NPHS1: variants seen among roughly 807,000 people sequenced by gnomAD.
The protein encoded by NPHS1 is NPHS1 adhesion molecule, nephrin, also known as nephrin.
A neutral mutation model predicts 139.7 loss-of-function variants in NPHS1; 107 were observed. The observed-to-expected ratio is 0.77, with a 90% CI of 0.66 to 0.90. NPHS1 has a LOEUF of 0.90. Ranked by LOEUF, NPHS1 falls within the 40% of genes least tolerant of loss-of-function variation. The pLI, the probability that NPHS1 is intolerant of heterozygous loss-of-function variation, is 0.00. For synonymous variants in NPHS1, 707 were observed against 706.6 expected (o/e 1.00, Z -0.01); for missense variants, 1,580 against 1,654.2 (o/e 0.96, Z 0.78).
At chr19:35,843,867 G>T in intron 16 of NPHS1, 2 of 665,996 alleles carry the variant, frequency 3.0e-6, no homozygotes, top group Non-Finnish European at 2.5e-6. Flanking sequence ...CATTCCTGAC[G>T]GGAGCAGCTT....
chr19:35,828,627 A>G (rs1972832008), intron 28 of NPHS1, among the ~76,000 whole-genome samples: 1 of 152,230 alleles, frequency 6.6e-6, no homozygotes, highest in Non-Finnish European at 1.5e-5. Context: ...ACATAGAAAA[A>G]TTACATGAAG....
chr19:35,841,580 G>T, intron 20 of NPHS1, 135 bp downstream of exon 20: 1 of 966,398 alleles, frequency 1.0e-6, no homozygotes, highest in Non-Finnish European at 1.6e-6. Context: ...GATTTTCAGG[G>T]CAGGCAAAAA....
At position 35,852,027 on chromosome 19, in the gene NPHS1, C is replaced by T. The variant is rs1973279916; in HGVS notation, c.-190G>A. ...TGAGTATCTCTCTCTGTCTTGCTCT[C>T]AGTCTCAATCTCTGAGTCTCTTTCT... is the stretch of plus-strand genomic sequence containing the variant. On this transcript the variant is annotated 5_prime_UTR_variant, in exon 1 of 29. Coordinates refer to ENST00000378910, the MANE Select transcript of NPHS1 (RefSeq NM_004646.4). 6.6e-6 allele frequency among the ~76,000 whole-genome samples: 1 copy of T among 152,046 alleles called. No homozygotes were observed. The highest frequency in any genetic ancestry group is 2.1e-4 in the South Asian group (1 of 4,816).
rs758432802 is a variant in NPHS1, at chr19:35,831,502, T to C, written c.3287-2A>G. 1 of 1,613,628 alleles carries C rather than the reference T, an allele frequency of 6.2e-7. No homozygotes were observed. The highest frequency in any genetic ancestry group is 1.1e-5 in the South Asian group (1 of 91,052). The stretch of plus-strand genomic sequence containing the variant: ...CTGCCTCTGTCTTCTCTGAGATGCC[T>C]GAAGGAAACAGGAATAAAGGGCTCA... On this transcript the variant is annotated splice_acceptor_variant, in intron 24 of 28. Transcript: ENST00000378910. LOFTEE classifies it high-confidence loss of function.
At position 35,842,485 on chromosome 19, in the gene NPHS1, G is replaced by A; in HGVS notation, c.2400C>T (p.Arg800=). The change falls in exon 18 of 29, where the codon CGC becomes CGT. Residue 800 remains arginine (R), a synonymous_variant. Transcript: ENST00000378910. The stretch of plus-strand genomic sequence containing the variant: ...CCAGTTTGGCATGGTGAATCCGCAG[G>A]CGCCCCGTTGGTCCCCTGGATATCT... ...MEKISRGPTG[R]LRIHHAKLAQ... 6.2e-7 allele frequency: 1 copy of A among 1,614,124 alleles called. No homozygotes were observed. Among genetic ancestry groups the A allele is most frequent in the Non-Finnish European group, 8.5e-7 (1 of 1,180,022 alleles).
rs779099247 is a variant in NPHS1, at chr19:35,849,281, G to A, written c.795C>T (p.Cys265=). Reference sequence around the variant, plus strand: ...CTAAGGGATTACCCCCTCGGGCCACGCACGGCAGCTCCAAGCTCTGTCCTG... The same window carrying A: ...CTAAGGGATTACCCCCTCGGGCCACACACGGCAGCTCCAAGCTCTGTCCTG... ...VRAGQSLELP[C]VARGGNPLAT... The change falls in exon 7 of 29, where the codon TGC becomes TGT. Residue 265 remains cysteine, a synonymous_variant. Transcript: ENST00000378910. 5 of 1,613,044 alleles carry A rather than the reference G, an allele frequency of 3.1e-6. No homozygotes were observed. Among genetic ancestry groups the A allele is most frequent in the East Asian group, 2.2e-5 (1 of 44,872 alleles).
Position 35,830,884 on chromosome 19 carries a change from G to T in NPHS1, c.3554C>A (p.Pro1185Gln), listed in dbSNP as rs555255264. 17 of 1,612,786 alleles carry T rather than the reference G, an allele frequency of 1.1e-5. No individual in the cohort carries two copies. In the East Asian group the frequency reaches 2.5e-4, roughly 23 times the overall value. ...GTAGAGGGGTCCCCAGGCTCCAGACGGGGGGTACGTTCTTTCTACCTCATC... is the reference window on the plus strand; with the variant it reads ...GTAGAGGGGTCCCCAGGCTCCAGACTGGGGGTACGTTCTTTCTACCTCATC... Reference protein sequence around the residue: ...LYDEVERTYPPSGAWGPLYDE... With the variant: ...LYDEVERTYPQSGAWGPLYDE... The change falls in exon 28 of 29, where the codon CCG becomes CAG. Residue 1185 changes from proline (P) to glutamine (Q), a missense_variant. By Grantham distance (76) the Pro-to-Gln change is moderately conservative. Transcript: ENST00000378910.
rs200253809 is a variant in NPHS1, at chr19:35,844,249, G to T, written c.2072-6C>A. On this transcript the variant is annotated splice_region_variant and splice_polypyrimidine_tract_variant and intron_variant, in intron 15 of 28. Coordinates refer to ENST00000378910, the MANE Select transcript of NPHS1 (RefSeq NM_004646.4). Reference sequence around the variant, plus strand: ...GCGATGCCGGGGGCCGCCCGCTGGGGAAGGCCAGAATAAGGGACCTGGCAG... The same window carrying T: ...GCGATGCCGGGGGCCGCCCGCTGGGTAAGGCCAGAATAAGGGACCTGGCAG... 4.9e-5 allele frequency: 79 copies of T among 1,613,468 alleles called. No homozygotes were observed. The South Asian group carries it at 7.8e-4, about 16-fold the overall frequency.
chr19:35,828,131 T>C (rs941707012), intron 28 of NPHS1, among the ~76,000 whole-genome samples: 1 of 152,188 alleles, frequency 6.6e-6, no homozygotes, highest in African/African-American at 2.4e-5. Context: ...GGATGTATTT[T>C]GTTCTAGGGC....
At chr19:35,844,855 T>C (rs1973112760) in intron 14 of NPHS1, among the ~76,000 whole-genome samples, 1 of 152,174 alleles carries the variant, frequency 6.6e-6, no homozygotes, top group African/African-American at 2.4e-5. Context: ...CCAGGTGCAG[T>C]GGCTCACGCC....
At position 35,842,225 on chromosome 19, in the gene NPHS1, G is replaced by A. The variant is rs1365879437; in HGVS notation, c.2562C>T (p.Asp854=). The change falls in exon 19 of 29, where the codon GAC becomes GAT. Residue 854 remains aspartate, a synonymous_variant. Transcript: ENST00000378910. The stretch of plus-strand genomic sequence containing the variant: ...AGTGGAGGGTGGCAGAACTGGTGCT[G>A]TCTCCAGCTGCAGCCACCTTAGTTA... ...TPLTKVAAAG[D]STSSATLHCR... The A allele has an allele frequency of 2.5e-6, 4 of 1,613,234 alleles. No homozygotes were observed. In the South Asian group the frequency reaches 3.3e-5, roughly 13 times the overall value.
rs113205596 is a variant in NPHS1 at position 35,849,210 on chromosome 19, T to A, written c.840+26A>T. The A allele has an allele frequency of 5.0e-3, 8,061 of 1,613,614 alleles. 334 individuals are homozygous for A. The African/African-American group carries it at 0.092, about 18-fold the overall frequency. On this transcript the variant is annotated intron_variant, in intron 7 of 28. Coordinates refer to ENST00000378910, the MANE Select transcript of NPHS1 (RefSeq NM_004646.4). Reference sequence around the variant, plus strand: ...GCTCCCAGACCCCACTGTCCCCCCATTCCCCATGCCCGCGTTTGCCCTCAC... The same window carrying A: ...GCTCCCAGACCCCACTGTCCCCCCAATCCCCATGCCCGCGTTTGCCCTCAC...
At position 35,835,768 on chromosome 19, in the gene NPHS1, G is replaced by A. The variant is rs1972949043; in HGVS notation, c.3110-7C>T. 3 of 1,612,928 alleles carry A rather than the reference G, an allele frequency of 1.9e-6. No homozygotes were observed. Among genetic ancestry groups the A allele is most frequent in the Non-Finnish European group, 2.5e-6 (3 of 1,179,174 alleles). ...CCAGAAGGCTGGTGGAGACCTGGGG[G>A]GTGGATATACAGATTGTGACTTAAC... On this transcript the variant is annotated splice_polypyrimidine_tract_variant and splice_region_variant and intron_variant, in intron 22 of 28. Coordinates refer to ENST00000378910, the MANE Select transcript of NPHS1 (RefSeq NM_004646.4).
In NPHS1 at chr19:35,825,606, G is replaced by A; in HGVS notation, c.*908C>T. On this transcript the variant is annotated 3_prime_UTR_variant, in exon 29 of 29. Transcript: ENST00000378910. ...CTGTGCTCTCTGCCACCGTAGATTAGTTTTGCCTATTTTAGAATTTCTATA... is the reference window on the plus strand; with the variant it reads ...CTGTGCTCTCTGCCACCGTAGATTAATTTTGCCTATTTTAGAATTTCTATA... Among the ~76,000 whole-genome samples, 1 of 152,092 alleles carries A rather than the reference G, an allele frequency of 6.6e-6. No individual in the cohort carries two copies. Among genetic ancestry groups the A allele is most frequent in the Middle Eastern group, 3.2e-3 (1 of 316 alleles).
chr19:35,843,479 TC>T lies in NPHS1; in HGVS notation c.2326del (p.Glu776ArgfsTer71). On this transcript the variant is annotated frameshift_variant, in exon 17 of 29. Coordinates refer to ENST00000378910, the MANE Select transcript of NPHS1 (RefSeq NM_004646.4). LOFTEE classifies it high-confidence loss of function. ...NPILPGMFNW[E>X]RLGEDEEDQS... Reference sequence around the variant, plus strand: ...CAAAGGCTGGATCCTCACCAGTCTCTCCCAGTTGAACATGCCCGGGAGGATG... The same window carrying T: ...CAAAGGCTGGATCCTCACCAGTCTCTCCAGTTGAACATGCCCGGGAGGATG... 1 of 1,614,026 alleles carries T rather than the reference TC, an allele frequency of 6.2e-7. No individual in the cohort carries two copies. Among genetic ancestry groups the T allele is most frequent in the Non-Finnish European group, 8.5e-7 (1 of 1,179,946 alleles).
At position 35,851,188 on chromosome 19, in the gene NPHS1, T is replaced by C. The variant is rs1973243101; in HGVS notation, c.397+74A>G. On this transcript the variant is annotated intron_variant, in intron 3 of 28. Transcript: ENST00000378910. ...TCTGGGAGAGGAGAGGCTGGGGGCT[T>C]GGACTTCCGGGTTGCGGGGTAGGGG... 1.7e-5 allele frequency: 28 copies of C among 1,613,118 alleles called. 2 individuals carry two copies. In the South Asian group the frequency reaches 2.9e-4, roughly 16 times the overall value.
At chr19:35,831,535 T>A (rs771138507) in intron 24 of NPHS1, 35 bp from the exon 25 acceptor site, 2 of 1,613,696 alleles carry the variant, frequency 1.2e-6, no homozygotes, top group Non-Finnish European at 1.7e-6. Flanking sequence ...TCAGTGACCC[T>A]ATGCAAGCCC....
intron 28 of NPHS1, 64 bp from the exon 29 acceptor site, chr19:35,826,709 T>TACA: frequency 1.9e-6 from 3 of 1,579,188 alleles, no homozygotes; most frequent in Non-Finnish European, 2.6e-6. Flanking sequence ...ATTGAAGATC[T>TACA]GGGGGATACA....
Position 35,846,012 on chromosome 19 carries a change from C to T in NPHS1, c.1623G>A (p.Val541=). The T allele has an allele frequency of 6.3e-7, 1 of 1,577,538 alleles. No individual in the cohort carries two copies. Among genetic ancestry groups the T allele is most frequent in the African/African-American group, 1.3e-5 (1 of 74,180 alleles). Residue 541 remains valine (V), a synonymous_variant, in exon 12 of 29, where the codon GTG becomes GTA. Transcript: ENST00000378910. ...GQLSASTQLA[V]QFPPTNVTIL... ...CTCAGCAGTGCGAGCCCTCACACTG[C>T]ACCGCCAGCTGCGTGGACGCGCTGA...
Sources: gnomAD v4.1 joint callset for allele counts (sites outside exome capture counted in the v4.1 genomes callset) on GRCh38, gnomAD v4.1.1 for gene constraint, MANE v1.5 for transcripts, NCBI Gene and HGNC (gene_info 2026-07-23, HGNC 2026-07-21) for gene names.